Variants in RHPN1 observed in about 807,000 individuals in gnomAD.
RHPN1 encodes the protein rhophilin-1.
A neutral mutation model predicts 74.7 loss-of-function variants in RHPN1; 77 were observed. That is an observed-to-expected ratio of 1.03 (90% CI 0.86 to 1.25). RHPN1 has a LOEUF of 1.25. RHPN1 is among the 50% of genes most tolerant of loss of function. RHPN1 has a pLI of 0.00. For synonymous variants in RHPN1, 444 were observed against 414.5 expected (o/e 1.07, Z -0.87); for missense variants, 987 against 932.2 (o/e 1.06, Z -0.77).
chr8:143,371,731 C>A (rs1817833888), intron 1 of RHPN1, among the ~76,000 whole-genome samples: 1 of 152,206 alleles, frequency 6.6e-6, no homozygotes, highest in African/African-American at 2.4e-5. Flanking sequence ...CAGACCACAG[C>A]CTCTCTGTCC....
chr8:143,369,033 A>T lies in RHPN1; in HGVS notation c.46A>T (p.Ser16Cys). The T allele has an allele frequency of 6.7e-7, 1 of 1,493,876 alleles. No individual in the cohort carries two copies. Among genetic ancestry groups the T allele is most frequent in the Non-Finnish European group, 8.9e-7 (1 of 1,129,550 alleles). 92.5% of individuals were successfully genotyped at this position (1,493,876 alleles called of 1,614,324 possible). A position where few individuals can be genotyped will look rare whatever the true frequency, so the allele number is the denominator to read the frequency against. Residue 16 changes from serine to cysteine, a missense_variant, in exon 1 of 15, where the codon AGC becomes TGC. Coordinates refer to ENST00000289013, the MANE Select transcript of RHPN1 (RefSeq NM_052924.3). ...RPDGAGAGEESPRLQGCDSLT... is the reference protein window; with the variant it reads ...RPDGAGAGEECPRLQGCDSLT... Reference sequence around the variant, plus strand: ...GGACGGCGCGGGCGCCGGCGAGGAGAGCCCGCGGCTGCAGGTGCGCAGAAC... The same window carrying T: ...GGACGGCGCGGGCGCCGGCGAGGAGTGCCCGCGGCTGCAGGTGCGCAGAAC...
chr8:143,374,029 G>A, intron 1 of RHPN1: 1 of 725,132 alleles, frequency 1.4e-6, no homozygotes, highest in South Asian at 6.2e-5. Context: ...GGCTGGACGA[G>A]CAGGCCTTCT....
intron 1 of RHPN1, among the ~76,000 whole-genome samples, chr8:143,374,818 G>A (rs945857220): frequency 2.0e-5 from 3 of 152,222 alleles, no homozygotes; most frequent in Non-Finnish European, 2.9e-5. Flanking sequence ...TGGCACCACT[G>A]ACGACACAGG....
chr8:143,382,507 C>G lies in RHPN1; in HGVS notation c.1869C>G (p.Thr623=). ...GCCAGAGGGAGCATGGTTGCAAGAC[C>G]CCGGCATCCACGTGGGCCAGTCCCC... ...LRSQREHGCK[T]PASTWASPRP... is the part of the protein sequence containing the mutation. Residue 623 remains threonine, a synonymous_variant, in exon 15 of 15, where the codon ACC becomes ACG. Coordinates refer to ENST00000289013, the MANE Select transcript of RHPN1 (RefSeq NM_052924.3). The G allele has an allele frequency of 6.2e-7, 1 of 1,608,312 alleles. No homozygotes were observed. The highest frequency in any genetic ancestry group is 8.5e-7 in the Non-Finnish European group (1 of 1,178,174).
chr8:143,376,493 G>T (rs977831868), intron 2 of RHPN1, 32 bp from the exon 3 acceptor site: 3 of 1,609,842 alleles, frequency 1.9e-6, no homozygotes, highest in East Asian at 2.2e-5. Flanking sequence ...CTGCCTTGGG[G>T]CTGGGCTTTC....
At position 143,380,649 on chromosome 8, in the gene RHPN1, T is replaced by C. The variant is rs2130605750; in HGVS notation, c.1277T>C (p.Leu426Pro). 1 of 1,564,598 alleles carries C rather than the reference T, an allele frequency of 6.4e-7. No individual in the cohort carries two copies. The highest frequency in any genetic ancestry group is 2.4e-5 in the East Asian group (1 of 41,936). The change falls in exon 11 of 15, where the codon CTG becomes CCG. Residue 426 changes from leucine (L) to proline (P), a missense_variant. Leu to Pro is a moderately conservative substitution (Grantham distance 98, BLOSUM62 -3). Coordinates refer to ENST00000289013, the MANE Select transcript of RHPN1 (RefSeq NM_052924.3). Reference sequence around the variant, plus strand: ...GAGGAGGCGCTGCGGCTGCACGCCCTGTGCCGCGTCCTGCGCGAGGTGGAC... The same window carrying C: ...GAGGAGGCGCTGCGGCTGCACGCCCCGTGCCGCGTCCTGCGCGAGGTGGAC... ...GQEEALRLHA[L>P]CRVLREVDLL...
intron 14 of RHPN1, 150 bp from the exon 15 acceptor site, chr8:143,382,286 C>T: frequency 1.4e-6 from 1 of 712,868 alleles, no homozygotes; most frequent in Admixed American, 2.6e-5. Context: ...AACCCATGGG[C>T]CCCTGCTATG....
rs1818059707 is a variant in RHPN1 at position 143,374,225 on chromosome 8, C to CG, written c.61-1325dup. ...AGACGTGTGTGCGTGGAGAGGGTGT[C>CG]GGGTCCACAGAGGGGAAGACCCAGT... On this transcript the variant is annotated intron_variant, in intron 1 of 14. Coordinates refer to ENST00000289013, the MANE Select transcript of RHPN1 (RefSeq NM_052924.3). 4 of 985,388 alleles carry CG rather than the reference C, an allele frequency of 4.1e-6. No homozygotes were observed. The African/African-American group carries it at 7.0e-5, about 17-fold the overall frequency. The allele number at this position is 985,388 out of a possible 1,614,324, so 61.0% of individuals were successfully genotyped here. A position where few individuals can be genotyped will look rare whatever the true frequency, so the allele number is the denominator to read the frequency against.
At position 143,377,449 on chromosome 8, in the gene RHPN1, G is replaced by T. The variant is rs374595145; in HGVS notation, c.375G>T (p.Pro125=). The change falls in exon 4 of 15, where the codon CCG becomes CCT. Residue 125 remains proline, a synonymous_variant. Coordinates refer to ENST00000289013, the MANE Select transcript of RHPN1 (RefSeq NM_052924.3). ...CCAAGGAGCTGGACTGGTCTACACC[G>T]CTGAAGGTAGGTACTGGCCTCCAAG... ...KETKELDWST[P]LKELISVHFG... is the part of the protein sequence containing the mutation. 4.3e-6 allele frequency: 7 copies of T among 1,611,584 alleles called. No homozygotes were observed. The highest frequency in any genetic ancestry group is 5.9e-6 in the Non-Finnish European group (7 of 1,177,992).
intron 1 of RHPN1, chr8:143,374,033 G>T (rs535522961): frequency 2.6e-6 from 2 of 760,714 alleles, no homozygotes; most frequent in South Asian, 1.2e-4. Flanking sequence ...GGACGAGCAG[G>T]CCTTCTGTCT....
chr8:143,371,339 G>C (rs1817808627), intron 1 of RHPN1, among the ~76,000 whole-genome samples: 1 of 152,104 alleles, frequency 6.6e-6, no homozygotes, highest in African/African-American at 2.4e-5. Context: ...ACTTCAGTGG[G>C]GGCAGAGGAG....
chr8:143,377,248 G>GGACACA, intron 3 of RHPN1, 132 bp from the exon 4 acceptor site: 1 of 663,064 alleles, frequency 1.5e-6, no homozygotes, highest in Non-Finnish European at 2.6e-6. Context: ...ATGCCCCCCA[G>GGACACA]GACACAGGCG....
In RHPN1 at chr8:143,382,439, G is replaced by T; in HGVS notation, c.1801G>T (p.Asp601Tyr). The T allele has an allele frequency of 2.6e-6, 4 of 1,559,848 alleles. No individual in the cohort carries two copies. Among genetic ancestry groups the T allele is most frequent in the Non-Finnish European group, 3.5e-6 (4 of 1,152,946 alleles). ...TCTGTCTCTGTCCCTGCTGCAGGGG[G>T]ACCGCCGGCCCGTCCTGCTGGGCCC... ...LPSSRLPSLG[D>Y]RRPVLLGPRG... The change falls in exon 15 of 15, where the codon GAC becomes TAC. Residue 601 changes from aspartate to tyrosine, a missense_variant. Coordinates refer to ENST00000289013, the MANE Select transcript of RHPN1 (RefSeq NM_052924.3).
At chr8:143,369,068 G>A in intron 1 of RHPN1, 21 bp downstream of exon 1, 2 of 1,459,022 alleles carry the variant, frequency 1.4e-6, no homozygotes, top group East Asian at 5.7e-5. Flanking sequence ...CTGGCGCGGC[G>A]GCGGGAGGAG....
At chr8:143,382,009 T>C in intron 14 of RHPN1, 41 bp downstream of exon 14, 1 of 1,525,462 alleles carries the variant, frequency 6.6e-7, no homozygotes, top group Non-Finnish European at 8.8e-7. Flanking sequence ...CCCAGCTTGC[T>C]GTCACCACCC....
rs1182967835 is a variant in RHPN1, at chr8:143,379,863, T to C, written c.980T>C (p.Met327Thr). The C allele has an allele frequency of 6.2e-7, 1 of 1,610,954 alleles. No homozygotes were observed. The highest frequency in any genetic ancestry group is 8.5e-7 in the Non-Finnish European group (1 of 1,179,210). Residue 327 changes from methionine (M) to threonine (T), a missense_variant, in exon 9 of 15, where the codon ATG becomes ACG. Transcript: ENST00000289013. Reference sequence around the variant, plus strand: ...GAGTACAGGCTAGTGCACCGGACCATGGCCCAGCCACCCGTCCACGACTAC... The same window carrying C: ...GAGTACAGGCTAGTGCACCGGACCACGGCCCAGCCACCCGTCCACGACTAC... ...AAEYRLVHRT[M>T]AQPPVHDYVP...
intron 12 of RHPN1, 85 bp from the exon 13 acceptor site, chr8:143,381,487 G>A (rs1818725696): frequency 6.6e-7 from 1 of 1,513,324 alleles, no homozygotes. Context: ...GTCCCTCGGT[G>A]CACAGGTTGG....
intron 1 of RHPN1, among the ~76,000 whole-genome samples, chr8:143,373,590 TGGGGGTTTGGGG>T (rs1818006171): frequency 6.7e-5 from 1 of 14,952 alleles, no homozygotes; most frequent in Non-Finnish European, 9.8e-5. Flanking sequence ...GGGGACGGTG[TGGGGGTTTGGGG>T]ATGGCGCGGG....
In RHPN1 at chr8:143,383,065, C is replaced by T. The variant is rs879406157; in HGVS notation, c.*414C>T. The T allele has an allele frequency of 1.8e-5, 4 of 223,820 alleles. No individual in the cohort carries two copies. The Admixed American group carries it at 2.1e-4, about 12-fold the overall frequency. The allele number at this position is 223,820 out of a possible 1,614,324, so 13.9% of individuals were successfully genotyped here. On this transcript the variant is annotated 3_prime_UTR_variant, in exon 15 of 15. Coordinates refer to ENST00000289013, the MANE Select transcript of RHPN1 (RefSeq NM_052924.3). ...CAGTGATTCCTGCTGGGCACCCCTT[C>T]GCTCACTGCCCCTCCACCATGCAGC...
Sources: allele counts gnomAD v4.1 joint callset (sites outside exome capture counted in the v4.1 genomes callset), GRCh38; gene constraint gnomAD v4.1.1; transcripts MANE v1.5; gene names NCBI Gene and HGNC (gene_info 2026-07-23, HGNC 2026-07-21).